The following CCSER1 variants were observed in gnomAD, a reference collection of about 807,000 sequenced individuals.
The protein encoded by CCSER1 is serine-rich coiled-coil domain-containing protein 1.
In CCSER1, 41 loss-of-function variants were observed where a neutral mutation model predicts 82.0. The observed-to-expected ratio is 0.50, with a 90% CI of 0.39 to 0.65. CCSER1 has a LOEUF of 0.65. Ranked by LOEUF, CCSER1 falls within the 30% of genes least tolerant of loss-of-function variation. The pLI, the probability that CCSER1 is intolerant of heterozygous loss-of-function variation, is 0.00. For missense variants in CCSER1, 1,119 were observed against 1,064.2 expected (o/e 1.05, Z -0.72); for synonymous variants, 414 against 383.9 (o/e 1.08, Z -0.92).
intron 10 of CCSER1, among the ~76,000 whole-genome samples, chr4:91,542,734 T>G (rs957736388): frequency 1.3e-5 from 2 of 152,198 alleles, no homozygotes; most frequent in East Asian, 1.9e-4. Context: ...ATGTGGTCAA[T>G]TTTGGAATAA....
intron 5 of CCSER1, among the ~76,000 whole-genome samples, chr4:90,502,778 A>G (rs1340122951): frequency 1.3e-5 from 2 of 152,220 alleles, no homozygotes; most frequent in East Asian, 1.9e-4. Flanking sequence ...ACTTTTAAAC[A>G]CAGAGCTCTT....
intron 3 of CCSER1, among the ~76,000 whole-genome samples, chr4:90,354,635 C>T (rs995017513): frequency 2.0e-5 from 3 of 152,064 alleles, no homozygotes; most frequent in African/African-American, 7.2e-5. Flanking sequence ...TACCCCAATA[C>T]ATCTGAAATA....
At chr4:91,412,881 G>A (rs1180652712) in intron 10 of CCSER1, among the ~76,000 whole-genome samples, 3 of 152,018 alleles carry the variant, frequency 2.0e-5, no homozygotes, top group Non-Finnish European at 4.4e-5. Flanking sequence ...AAAGAAGGGG[G>A]GATCTATGAA....
intron 8 of CCSER1, among the ~76,000 whole-genome samples, chr4:90,851,562 T>A (rs1763895240): frequency 6.7e-6 from 1 of 149,568 alleles, no homozygotes; most frequent in African/African-American, 2.5e-5. Flanking sequence ...TTTTATTGGC[T>A]ACTTATAGAG....
chr4:91,077,425 GA>G, intron 9 of CCSER1, among the ~76,000 whole-genome samples: 1 of 152,234 alleles, frequency 6.6e-6, no homozygotes, highest in South Asian at 2.1e-4. Context: ...CTGGACATGA[GA>G]AAAAATAGTA....
At chr4:90,468,550 G>C (rs1560566452) in intron 5 of CCSER1, 196 bp downstream of exon 5, 1 of 459,282 alleles carries the variant, frequency 2.2e-6, no homozygotes, top group Non-Finnish European at 3.7e-6. Context: ...TTTGAACCAT[G>C]TGTCATTCAA....
chr4:90,245,238 C>T (rs953898935), intron 1 of CCSER1, among the ~76,000 whole-genome samples: 2 of 152,160 alleles, frequency 1.3e-5, no homozygotes, highest in African/African-American at 4.8e-5. Flanking sequence ...TACTTGTTCA[C>T]ACAGTTTTTA....
At chr4:91,242,712 T>C (rs1739465116) in intron 10 of CCSER1, among the ~76,000 whole-genome samples, 1 of 152,294 alleles carries the variant, frequency 6.6e-6, no homozygotes, top group South Asian at 2.1e-4. Context: ...ATATTAGCCA[T>C]GGACTGGGAT....
intron 1 of CCSER1, among the ~76,000 whole-genome samples, chr4:90,247,420 C>G (rs570410646): frequency 6.6e-6 from 1 of 152,094 alleles, no homozygotes; most frequent in Admixed American, 6.6e-5. Context: ...GAAAATATAA[C>G]AAGAAAATAT....
At chr4:90,528,715 G>C (rs1392607542) in intron 5 of CCSER1, among the ~76,000 whole-genome samples, 1 of 152,122 alleles carries the variant, frequency 6.6e-6, no homozygotes, top group Admixed American at 6.6e-5. Context: ...ACTGGAGAAA[G>C]TAAATTTGAT....
At chr4:91,562,456 G>A (rs767102962) in intron 10 of CCSER1, among the ~76,000 whole-genome samples, 67 of 151,430 alleles carry the variant, frequency 4.4e-4, no homozygotes, top group South Asian at 1.9e-3. Flanking sequence ...GATGGAATAA[G>A]GGTTTATCTT....
intron 10 of CCSER1, among the ~76,000 whole-genome samples, chr4:91,439,725 C>A (rs372103772): frequency 6.6e-6 from 1 of 151,576 alleles, no homozygotes; most frequent in Admixed American, 6.6e-5. Context: ...ACCCATCTCA[C>A]GTGCAGAGAC....
At chr4:91,146,324 A>G (rs1364833043) in intron 10 of CCSER1, among the ~76,000 whole-genome samples, 1 of 151,882 alleles carries the variant, frequency 6.6e-6, no homozygotes, top group Admixed American at 6.6e-5. Context: ...GTCTGGATTC[A>G]TTTTTTGGCT....
intron 10 of CCSER1, among the ~76,000 whole-genome samples, chr4:91,508,010 ATG>A (rs56282522): frequency 0.53 from 72,130 of 136,486 alleles, 17,865 homozygotes; most frequent in East Asian, 0.62. Flanking sequence ...ATATATATAT[ATG>A]AAATTATGTC....
At chr4:91,160,904 T>C (rs1278095826) in intron 10 of CCSER1, among the ~76,000 whole-genome samples, 1 of 152,208 alleles carries the variant, frequency 6.6e-6, no homozygotes, top group Non-Finnish European at 1.5e-5. Flanking sequence ...CCCTTTAGTT[T>C]AATTAAATCC....
At chr4:90,952,245 G>C (rs1482531610) in intron 9 of CCSER1, among the ~76,000 whole-genome samples, 1 of 151,986 alleles carries the variant, frequency 6.6e-6, no homozygotes, top group Non-Finnish European at 1.5e-5. Context: ...TAATATTTGG[G>C]TAACACATGT....
intron 8 of CCSER1, among the ~76,000 whole-genome samples, chr4:90,838,444 T>A (rs1049239578): frequency 2.4e-4 from 37 of 151,700 alleles, no homozygotes; most frequent in Admixed American, 1.4e-3. Flanking sequence ...TGATCATTTT[T>A]AATAATTTAA....
chr4:90,838,822 C>T, intron 8 of CCSER1: 1 of 1,574,564 alleles, frequency 6.4e-7, no homozygotes, highest in Non-Finnish European at 8.7e-7. Context: ...TTGCATCTTA[C>T]AAAGTTAAAC....
intron 1 of CCSER1, among the ~76,000 whole-genome samples, chr4:90,296,074 A>G (rs1487668973): frequency 6.6e-6 from 1 of 152,006 alleles, no homozygotes; most frequent in Admixed American, 6.6e-5. Flanking sequence ...TTAAAGTTGT[A>G]TTTTTGTTAT....
Sources: gnomAD v4.1 joint callset for allele counts (sites outside exome capture counted in the v4.1 genomes callset) on GRCh38, gnomAD v4.1.1 for gene constraint, MANE v1.5 for transcripts, NCBI Gene and HGNC (gene_info 2026-07-23, HGNC 2026-07-21) for gene names.